Variants in GPC5 observed in about 807,000 individuals in gnomAD.
The protein encoded by GPC5 is glypican-5.
A neutral mutation model predicts 53.9 loss-of-function variants in GPC5; 47 were observed. The ratio of observed to expected loss-of-function variants is 0.87; its 90% confidence interval spans 0.69 to 1.11. The LOEUF (loss-of-function observed/expected upper bound fraction) is 1.11, where lower values mean the gene tolerates loss of function less well. Among genes scored for constraint, GPC5 ranks in the 50% most tolerant of loss-of-function variants. The probability of loss-of-function intolerance (pLI) is 0.00; values close to 1 mark genes in which losing one functional copy is unlikely to be tolerated. For missense variants in GPC5, 748 were observed against 713.1 expected (o/e 1.05, Z -0.56); for synonymous variants, 286 against 263.3 (o/e 1.09, Z -0.84).
At chr13:92,426,001 C>T (rs1387210735) in intron 7 of GPC5, among the ~76,000 whole-genome samples, 3 of 151,886 alleles carry the variant, frequency 2.0e-5, no homozygotes, top group African/African-American at 7.3e-5. Context: ...TAATCATTCC[C>T]CTGTTGATAG....
chr13:91,784,600 T>C (rs1306968894), intron 5 of GPC5, among the ~76,000 whole-genome samples: 1 of 152,002 alleles, frequency 6.6e-6, no homozygotes, highest in African/African-American at 2.4e-5. Flanking sequence ...GGCACATGCC[T>C]GTAATCCCAG....
intron 6 of GPC5, among the ~76,000 whole-genome samples, chr13:92,134,316 C>T (rs1298989999): frequency 6.6e-6 from 1 of 152,136 alleles, no homozygotes; most frequent in African/African-American, 2.4e-5. Flanking sequence ...AGTGCCCTTA[C>T]TTGTCATGAT....
In GPC5 at chr13:92,545,042, T is replaced by C. The variant is rs191547414; in HGVS notation, c.1562-321240T>C. Among the ~76,000 whole-genome samples, 555 of 152,120 alleles carry C rather than the reference T, an allele frequency of 3.6e-3. 4 individuals are homozygous for C. The highest frequency in any genetic ancestry group is 6.9e-3 in the Admixed American group (105 of 15,270). On this transcript the variant is annotated intron_variant, in intron 7 of 7. Coordinates refer to ENST00000377067, the MANE Select transcript of GPC5 (RefSeq NM_004466.6). ...CATTAACTCGTCATTTAGCATTAGG[T>C]ATATCTCCTAATGCTATACCTCCCC... is the stretch of plus-strand genomic sequence containing the variant.
intron 7 of GPC5, among the ~76,000 whole-genome samples, chr13:92,836,755 G>A (rs1878232798): frequency 6.6e-6 from 1 of 151,996 alleles, no homozygotes; most frequent in African/African-American, 2.4e-5. Context: ...ACTGATCATT[G>A]TAGAGAGGCA....
At chr13:92,027,945 A>G (rs970875166) in intron 6 of GPC5, among the ~76,000 whole-genome samples, 7 of 128,554 alleles carry the variant, frequency 5.4e-5, no homozygotes, top group African/African-American at 2.0e-4. Flanking sequence ...TTTCATCAAA[A>G]TGGACATGAC....
intron 2 of GPC5, among the ~76,000 whole-genome samples, chr13:91,498,478 A>G (rs1213118145): frequency 6.6e-6 from 1 of 152,048 alleles, no homozygotes. Context: ...GTAAGAAGGG[A>G]AGGGGAAGGA....
chr13:92,740,918 A>G (rs189553971), intron 7 of GPC5, among the ~76,000 whole-genome samples: 5,485 of 122,844 alleles, frequency 0.045, 203 homozygotes, highest in South Asian at 0.096. Context: ...ATATATATAT[A>G]TGTGCATATG....
chr13:92,810,595 A>T (rs1248374784), intron 7 of GPC5, among the ~76,000 whole-genome samples: 2 of 151,638 alleles, frequency 1.3e-5, no homozygotes, highest in Non-Finnish European at 2.9e-5. Flanking sequence ...ATAACTCCCC[A>T]TTCACCCCTC....
intron 2 of GPC5, among the ~76,000 whole-genome samples, chr13:91,554,349 A>ACAGGC (rs1370171114): frequency 6.6e-6 from 1 of 151,860 alleles, no homozygotes; most frequent in African/African-American, 2.4e-5. Flanking sequence ...ATGTATACAC[A>ACAGGC]CAGGCACATA....
intron 2 of GPC5, among the ~76,000 whole-genome samples, chr13:91,669,451 A>G (rs536197034): frequency 1.3e-5 from 2 of 152,340 alleles, no homozygotes; most frequent in South Asian, 2.1e-4. Flanking sequence ...ACACTAATTT[A>G]AAGCGGGAAC....
chr13:92,696,310 C>A (rs1219036180), intron 7 of GPC5, among the ~76,000 whole-genome samples: 1 of 137,618 alleles, frequency 7.3e-6, no homozygotes, highest in Non-Finnish European at 1.5e-5. Context: ...TACACTCCCA[C>A]TAACAGTGTA....
At chr13:91,514,834 A>G (rs1457511163) in intron 2 of GPC5, among the ~76,000 whole-genome samples, 4 of 152,110 alleles carry the variant, frequency 2.6e-5, no homozygotes, top group Non-Finnish European at 4.4e-5. Flanking sequence ...CACAGTTTTT[A>G]TATCTCATAC....
At chr13:92,204,085 G>A (rs971664428) in intron 7 of GPC5, among the ~76,000 whole-genome samples, 1 of 152,130 alleles carries the variant, frequency 6.6e-6, no homozygotes, top group East Asian at 1.9e-4. Flanking sequence ...GGAAAATAAA[G>A]TTGCTTCTAG....
intron 7 of GPC5, among the ~76,000 whole-genome samples, chr13:92,848,865 G>GA (rs1473966794): frequency 2.6e-5 from 4 of 152,152 alleles, no homozygotes; most frequent in Admixed American, 2.6e-4. Flanking sequence ...AGATACTGAG[G>GA]AAACAATGAA....
intron 7 of GPC5, among the ~76,000 whole-genome samples, chr13:92,301,867 C>A (rs1226780309): frequency 6.6e-6 from 1 of 152,058 alleles, no homozygotes; most frequent in East Asian, 1.9e-4. Flanking sequence ...CACTGCACTC[C>A]AGCCTGGGCA....
chr13:92,301,828 G>A (rs973601532), intron 7 of GPC5, among the ~76,000 whole-genome samples: 3 of 152,132 alleles, frequency 2.0e-5, no homozygotes, highest in African/African-American at 7.2e-5. Context: ...AACCCAGGAG[G>A]CAGAGGTTGC....
intron 6 of GPC5, among the ~76,000 whole-genome samples, chr13:91,911,655 G>C (rs1461487684): frequency 2.0e-5 from 3 of 152,172 alleles, no homozygotes; most frequent in Admixed American, 2.0e-4. Flanking sequence ...AATGGACCCT[G>C]CATGCAAGAA....
intron 5 of GPC5, among the ~76,000 whole-genome samples, chr13:91,862,563 C>T (rs1183774721): frequency 1.3e-5 from 2 of 152,134 alleles, no homozygotes; most frequent in Non-Finnish European, 2.9e-5. Context: ...GGTTGAAACA[C>T]ACTGCTTTTG....
chr13:91,610,671 C>A (rs1385234325), intron 2 of GPC5, among the ~76,000 whole-genome samples: 1 of 152,148 alleles, frequency 6.6e-6, no homozygotes, highest in Non-Finnish European at 1.5e-5. Context: ...GGAATTTATT[C>A]ATCTGTGAAT....
Sources: gnomAD v4.1 joint callset for allele counts (sites outside exome capture counted in the v4.1 genomes callset) on GRCh38, gnomAD v4.1.1 for gene constraint, MANE v1.5 for transcripts, NCBI Gene and HGNC (gene_info 2026-07-23, HGNC 2026-07-21) for gene names.